KMT2C: variants seen among roughly 807,000 people sequenced by gnomAD.
KMT2C encodes histone-lysine N-methyltransferase 2C.
In KMT2C, 88 loss-of-function variants were observed where a neutral mutation model predicts 507.9. That is an observed-to-expected ratio of 0.17 (90% CI 0.15 to 0.21). KMT2C has a LOEUF of 0.21. Ranked by LOEUF, KMT2C falls within the 10% of genes least tolerant of loss-of-function variation. The pLI, the probability that KMT2C is intolerant of heterozygous loss-of-function variation, is 1.00. For missense variants in KMT2C, 4,954 were observed against 5,957.8 expected, an observed-to-expected ratio of 0.83 and a Z score of 5.55; for synonymous variants, 2,049 against 2,080.8, an observed-to-expected ratio of 0.98 and a Z score of 0.42.
At chr7:152,332,902 C>T (rs1171933220) in intron 2 of KMT2C, among the ~76,000 whole-genome samples, 1 of 138,960 alleles carries the variant, frequency 7.2e-6, no homozygotes, top group Admixed American at 7.2e-5. Flanking sequence ...AAATTATTCT[C>T]GTCAACACCA....
intron 1 of KMT2C, chr7:152,368,545 GA>G: frequency 7.3e-7 from 1 of 1,376,414 alleles, no homozygotes; most frequent in Non-Finnish European, 1.0e-6. Flanking sequence ...AGAATTAGAG[GA>G]AAAACGTCGT....
rs2129095098 is a variant in KMT2C at position 152,148,330 on chromosome 7, G to T, written c.13597C>A (p.Arg4533=). ...RRVYVQRDEV[R]QIASIVQRGE... is the part of the protein sequence containing the mutation. ...CGTTGCACGATGCTAGCAATCTGTCGCACCTCATCACGCTGAACATAGACC... is the reference window on the plus strand; with the variant it reads ...CGTTGCACGATGCTAGCAATCTGTCTCACCTCATCACGCTGAACATAGACC... The change falls in exon 52 of 59, where the codon CGA becomes AGA. Residue 4533 remains arginine (R), a synonymous_variant. Coordinates refer to ENST00000262189, the MANE Select transcript of KMT2C (RefSeq NM_170606.3). This position sits in a 1 kb window ranked among gnomAD's most constrained non-coding sequence, Gnocchi z 7.1. 6.2e-7 allele frequency: 1 copy of T among 1,614,236 alleles called. No homozygotes were observed. Among genetic ancestry groups the T allele is most frequent in the African/African-American group, 1.3e-5 (1 of 75,050 alleles).
Position 152,136,786 on chromosome 7 carries a change from C to T in KMT2C, c.*46G>A, listed in dbSNP as rs773266030. 25 of 1,355,098 alleles carry T rather than the reference C, an allele frequency of 1.8e-5. No homozygotes were observed. The Admixed American group carries it at 3.9e-4, about 21-fold the overall frequency. 83.9% of individuals were successfully genotyped at this position (1,355,098 alleles called of 1,614,324 possible). ...AAATTCCAATGGTGTGTTGAATCGCCTCTTCCTAGGGACAAGCCGCCCGCT... is the reference window on the plus strand; with the variant it reads ...AAATTCCAATGGTGTGTTGAATCGCTTCTTCCTAGGGACAAGCCGCCCGCT... On this transcript the variant is annotated 3_prime_UTR_variant, in exon 59 of 59. Coordinates refer to ENST00000262189, the MANE Select transcript of KMT2C (RefSeq NM_170606.3).
In KMT2C at chr7:152,144,423, A is replaced by G. The variant is rs553527124; in HGVS notation, c.14343+290T>C. ...AACAGCTCTACTGAGCACTCCACAA[A>G]TCCAGTGTGTGCAAATTACAATGCT... On this transcript the variant is annotated intron_variant, in intron 55 of 58. Transcript: ENST00000262189. This position sits in a 1 kb window ranked among gnomAD's most constrained non-coding sequence, Gnocchi z 4.4. Among the ~76,000 whole-genome samples, 1 of 152,280 alleles carries G rather than the reference A, an allele frequency of 6.6e-6. No individual in the cohort carries two copies. Among genetic ancestry groups the G allele is most frequent in the South Asian group, 2.1e-4 (1 of 4,818 alleles).
At chr7:152,348,599 TA>T (rs201530125) in intron 2 of KMT2C, among the ~76,000 whole-genome samples, 649 of 48,938 alleles carry the variant, frequency 0.013, 1 homozygote, top group African/African-American at 0.031. Flanking sequence ...AACTCTGTCT[TA>T]AAAAAAAAAA....
At chr7:152,179,741 A>C in intron 37 of KMT2C, 93 bp downstream of exon 37, 1 of 1,142,238 alleles carries the variant, frequency 8.8e-7, no homozygotes, top group Non-Finnish European at 1.3e-6. Context: ...TGCCTCAGCT[A>C]GTAGCTAGGA....
intron 1 of KMT2C, among the ~76,000 whole-genome samples, chr7:152,363,870 G>A (rs1451922541): frequency 6.6e-6 from 1 of 152,206 alleles, no homozygotes; most frequent in African/African-American, 2.4e-5. Flanking sequence ...AACTTCCAGG[G>A]AGAGAGCAAT....
chr7:152,367,897 C>T (rs530241407), intron 1 of KMT2C: 25 of 1,049,588 alleles, frequency 2.4e-5, no homozygotes, highest in Non-Finnish European at 3.3e-5. Flanking sequence ...ATGAAGCGTT[C>T]GCATGAAAAA....
chr7:152,335,595 T>G (rs968366724), intron 2 of KMT2C, among the ~76,000 whole-genome samples: 1 of 152,222 alleles, frequency 6.6e-6, no homozygotes, highest in African/African-American at 2.4e-5. Context: ...TATGCTGCTA[T>G]CTACCATATA....
rs750557488 is a variant in KMT2C at position 152,176,261 on chromosome 7, T to C, written c.9192A>G (p.Gln3064=). 4 of 1,614,076 alleles carry C rather than the reference T, an allele frequency of 2.5e-6. No individual in the cohort carries two copies. The highest frequency in any genetic ancestry group is 3.4e-6 in the Non-Finnish European group (4 of 1,180,044). The change falls in exon 38 of 59, where the codon CAA becomes CAG. Residue 3064 remains glutamine (Q), a synonymous_variant. Transcript: ENST00000262189. ...GCATCTGTCTTTGCTGCTGCTGTTC[T>C]TGCCTTTCTTGATCCAAAAGATCCT... The part of the protein sequence containing the change: ...LLQDLLDQER[Q]EQQQQRQMQA...
intron 6 of KMT2C, among the ~76,000 whole-genome samples, chr7:152,286,714 TAG>T (rs968767980): frequency 1.3e-5 from 2 of 152,088 alleles, no homozygotes; most frequent in East Asian, 3.9e-4. Flanking sequence ...CAACAAAATG[TAG>T]AGAGAGGGCA....
chr7:152,163,481 C>A lies in KMT2C; in HGVS notation c.10096G>T (p.Ala3366Ser), dbSNP rs2129104503. ...AQLPIKTCTP[A>S]PGTVSNANPQ... ...TTTGCATTTGAGACTGTCCCTGGGG[C>A]TGGTGTACAAGTTTTTATTGGTAAC... The change falls in exon 43 of 59, where the codon GCC becomes TCC. Residue 3366 changes from alanine (A) to serine (S), a missense_variant. By Grantham distance (99) the Ala-to-Ser change is moderately conservative (BLOSUM62 1). Transcript: ENST00000262189. 6.2e-7 allele frequency: 1 copy of A among 1,614,128 alleles called. No individual in the cohort carries two copies. The highest frequency in any genetic ancestry group is 8.5e-7 in the Non-Finnish European group (1 of 1,180,016).
intron 1 of KMT2C, among the ~76,000 whole-genome samples, chr7:152,435,341 G>A (rs1442701880): frequency 6.6e-6 from 1 of 151,982 alleles, no homozygotes; most frequent in Non-Finnish European, 1.5e-5. Flanking sequence ...CAAAAGAAGA[G>A]TCGCGGAGAA....
Position 152,224,164 on chromosome 7 carries a change from T to C in KMT2C, c.3174A>G (p.Arg1058=). Residue 1058 remains arginine (R), a synonymous_variant, in exon 20 of 59, where the codon AGA becomes AGG. Transcript: ENST00000262189. The part of the protein sequence containing the change: ...GWKCKWCVWC[R]HCGATSAGLR... ...GACCTGCAGATGTTGCTCCACAGTGTCTGCACCAAACACACCTGAAATCCA... is the reference window on the plus strand; with the variant it reads ...GACCTGCAGATGTTGCTCCACAGTGCCTGCACCAAACACACCTGAAATCCA... 4 of 1,608,012 alleles carry C rather than the reference T, an allele frequency of 2.5e-6. No homozygotes were observed. Among genetic ancestry groups the C allele is most frequent in the Non-Finnish European group, 3.4e-6 (4 of 1,177,164 alleles).
At position 152,146,653 on chromosome 7, in the gene KMT2C, T is replaced by G; in HGVS notation, c.13977A>C (p.Lys4659Asn). The part of the protein sequence containing the change: ...EMLQLFPAYL[K>N]GEDLFGLTVS... ...CGGTCAGGCCAAACAGATCCTCTCC[T>G]TTTAAATACGCTGGGAAAAGCTGGA... The change falls in exon 53 of 59, where the codon AAA (lysine) becomes AAC (asparagine). Residue 4659 changes from lysine (K) to asparagine (N), a missense_variant. By Grantham distance (94) the Lys-to-Asn change is moderately conservative. Coordinates refer to ENST00000262189, the MANE Select transcript of KMT2C (RefSeq NM_170606.3). 2.4e-5 allele frequency: 39 copies of G among 1,614,144 alleles called. No individual in the cohort carries two copies. Among genetic ancestry groups the G allele is most frequent in the Non-Finnish European group, 3.3e-5 (39 of 1,179,978 alleles).
intron 1 of KMT2C, among the ~76,000 whole-genome samples, chr7:152,408,206 G>T (rs1589801452): frequency 1.3e-5 from 2 of 151,764 alleles, no homozygotes. Context: ...GAGAATCGCT[G>T]AATCCAGGGA....
intron 7 of KMT2C, among the ~76,000 whole-genome samples, chr7:152,272,177 T>G (rs1001990617): frequency 1.3e-5 from 2 of 152,214 alleles, no homozygotes; most frequent in African/African-American, 4.8e-5. Context: ...GCCATAAACC[T>G]TTCATTATAT....
chr7:152,334,388 G>A (rs1246045781), intron 2 of KMT2C, among the ~76,000 whole-genome samples: 2 of 152,160 alleles, frequency 1.3e-5, no homozygotes, highest in African/African-American at 4.8e-5. Context: ...GGAGGCGGAG[G>A]TTGCGGTGAG....
chr7:152,250,245 C>A (rs993710405), intron 12 of KMT2C, among the ~76,000 whole-genome samples: 13 of 152,020 alleles, frequency 8.6e-5, no homozygotes, highest in Admixed American at 5.2e-4. Context: ...TAATAAATTT[C>A]AAAACATCTC....
Sources: allele counts gnomAD v4.1 joint callset (sites outside exome capture counted in the v4.1 genomes callset), GRCh38; gene constraint gnomAD v4.1.1; non-coding constraint Gnocchi (gnomAD v3.1); transcripts MANE v1.5; gene names NCBI Gene and HGNC (gene_info 2026-07-23, HGNC 2026-07-21).